The following SOS1 variants were observed in gnomAD, a reference collection of about 807,000 sequenced individuals.
SOS1 encodes SOS Ras/Rac guanine nucleotide exchange factor 1.
A neutral mutation model predicts 157.6 loss-of-function variants in SOS1; 25 were observed. That is an observed-to-expected ratio of 0.16 (90% CI 0.12 to 0.22). The LOEUF (loss-of-function observed/expected upper bound fraction) is 0.22. SOS1 is among the 10% of genes least tolerant of loss of function. SOS1 has a pLI of 1.00. For missense variants in SOS1, 1,237 were observed against 1,599.1 expected (o/e 0.77, Z 3.86); for synonymous variants, 528 against 534.0 (o/e 0.99, Z 0.16).
chr2:39,124,003 T>TCACTAGCA (rs1673987370), upstream of SOS1, among the ~76,000 whole-genome samples: 1 of 152,186 alleles, frequency 6.6e-6, no homozygotes. Flanking sequence ...GGGCAGGTTT[T>TCACTAGCA]CACTAGCATG....
intron 2 of SOS1, among the ~76,000 whole-genome samples, chr2:39,059,172 T>A (rs1181702409): frequency 1.3e-5 from 2 of 152,184 alleles, no homozygotes; most frequent in Admixed American, 6.5e-5. Flanking sequence ...TCTCACTCAC[T>A]TGTCCTTACT....
intron 6 of SOS1, among the ~76,000 whole-genome samples, chr2:39,041,762 T>G (rs966787548): frequency 2.6e-5 from 4 of 152,208 alleles, no homozygotes; most frequent in African/African-American, 9.6e-5. Flanking sequence ...AACAGAAGTT[T>G]TAAAACTTAA....
intron 6 of SOS1, among the ~76,000 whole-genome samples, chr2:39,036,590 T>C (rs561931641): frequency 5.9e-5 from 9 of 152,246 alleles, no homozygotes; most frequent in Admixed American, 2.0e-4. Context: ...TTTTTTCTTT[T>C]TGGGACGGAG....
chr2:39,064,923 T>C (rs1251124485), intron 2 of SOS1, among the ~76,000 whole-genome samples: 2 of 150,288 alleles, frequency 1.3e-5, no homozygotes, highest in African/African-American at 2.4e-5. Flanking sequence ...AATTTTTTTG[T>C]ATTTTTTTTT....
intron 6 of SOS1, among the ~76,000 whole-genome samples, chr2:39,046,579 A>G (rs1670793764): frequency 6.9e-6 from 1 of 144,272 alleles, no homozygotes; most frequent in Admixed American, 7.1e-5. Context: ...ATCTCGGCTC[A>G]CTGCAAGCTC....
At chr2:39,064,983 C>T (rs186081299) in intron 2 of SOS1, among the ~76,000 whole-genome samples, 26 of 151,560 alleles carry the variant, frequency 1.7e-4, no homozygotes, top group African/African-American at 6.3e-4. Flanking sequence ...TTCTCAAACT[C>T]CCAACCTTAG....
At chr2:39,027,754 T>TA (rs1187963703) in intron 8 of SOS1, among the ~76,000 whole-genome samples, 1 of 152,204 alleles carries the variant, frequency 6.6e-6, no homozygotes, top group Non-Finnish European at 1.5e-5. Context: ...TGAATAGTTT[T>TA]AAAAAAAGTA....
rs1256326284 is a variant in SOS1 at position 38,982,220 on chromosome 2, G to T, written c.*3604C>A. On this transcript the variant is annotated 3_prime_UTR_variant, in exon 23 of 23. Coordinates refer to ENST00000402219, the MANE Select transcript of SOS1 (RefSeq NM_005633.4). ...CAGTCGACAGAAAATGCACTTTACG[G>T]TGTCAAAAATGGAAAATAAGGCATG... 2.0e-5 allele frequency: 3 copies of T among 152,142 alleles called. No individual in the cohort carries two copies. The highest frequency in any genetic ancestry group is 7.2e-5 in the African/African-American group (3 of 41,418). 9.4% of individuals were successfully genotyped at this position (152,142 alleles called of 1,614,324 possible).
Position 39,012,198 on chromosome 2 carries a change from G to C in SOS1, c.2318C>G (p.Thr773Ser). ...TGGGTGTAAGGTGAGCAGGTCAAAA[G>C]TCTCTATGTGCCCAGGTCTGCTTAT... is the stretch of plus-strand genomic sequence containing the variant. ...WHISRPGHIE[T>S]FDLLTLHPIE... Residue 773 changes from threonine (T) to serine (S), a missense_variant, in exon 14 of 23, where the codon ACT becomes AGT. By Grantham distance (58) the Thr-to-Ser change is moderately conservative. Transcript: ENST00000402219. 6.2e-7 allele frequency: 1 copy of C among 1,613,804 alleles called. No individual in the cohort carries two copies. The highest frequency in any genetic ancestry group is 8.5e-7 in the Non-Finnish European group (1 of 1,179,784).
chr2:39,084,581 C>G (rs1672309145), intron 1 of SOS1, among the ~76,000 whole-genome samples: 1 of 152,062 alleles, frequency 6.6e-6, no homozygotes, highest in South Asian at 2.1e-4. Context: ...CATATTTGTG[C>G]ACATTTATAA....
rs529002583 is a variant in SOS1, at chr2:39,031,053, G to T, written c.1074+4159C>A. Reference sequence around the variant, plus strand: ...CCTTAGAGCCTTTAGAGAAAGTGTGGCCCTGCCCACACCCTGATTTCAGAT... The same window carrying T: ...CCTTAGAGCCTTTAGAGAAAGTGTGTCCCTGCCCACACCCTGATTTCAGAT... On this transcript the variant is annotated intron_variant, in intron 8 of 22. Coordinates refer to ENST00000402219, the MANE Select transcript of SOS1 (RefSeq NM_005633.4). 4.6e-5 allele frequency among the ~76,000 whole-genome samples: 7 copies of T among 152,046 alleles called. 2 individuals are homozygous for T. In the South Asian group the frequency reaches 1.5e-3, roughly 32 times the overall value.
At chr2:39,012,687 G>C (rs1314917412) in intron 13 of SOS1, among the ~76,000 whole-genome samples, 1 of 151,982 alleles carries the variant, frequency 6.6e-6, no homozygotes, top group East Asian at 1.9e-4. Flanking sequence ...CCAAGAAAAG[G>C]TATATCTTAT....
chr2:39,017,284 T>G (rs1669661328), intron 10 of SOS1, among the ~76,000 whole-genome samples: 1 of 152,046 alleles, frequency 6.6e-6, no homozygotes, highest in South Asian at 2.1e-4. Context: ...GAGATCTAAA[T>G]ATAAAGAATT....
At chr2:39,067,841 G>A (rs572860187) in intron 1 of SOS1, 88 bp from the exon 2 acceptor site, 166 of 1,181,546 alleles carry the variant, frequency 1.4e-4, no homozygotes, top group African/African-American at 1.1e-3. Context: ...GTTTGTGGCC[G>A]GGCACGGTGG....
At chr2:39,037,211 ATAG>A (rs1454605811) in intron 6 of SOS1, among the ~76,000 whole-genome samples, 16 of 152,246 alleles carry the variant, frequency 1.1e-4, no homozygotes, top group Non-Finnish European at 4.4e-5. Context: ...ACAGAAATTG[ATAG>A]TAAAGTTTCA....
At chr2:39,008,306 C>T (rs1036607515) in intron 15 of SOS1, among the ~76,000 whole-genome samples, 3 of 152,146 alleles carry the variant, frequency 2.0e-5, no homozygotes, top group Non-Finnish European at 2.9e-5. Context: ...CAGTAGCATC[C>T]GTCTGCCACT....
intron 1 of SOS1, among the ~76,000 whole-genome samples, chr2:39,074,240 C>A (rs959844555): frequency 2.0e-5 from 3 of 151,988 alleles, no homozygotes; most frequent in East Asian, 3.9e-4. Flanking sequence ...ATCCCAGCTA[C>A]TGGGGAGGCT....
intron 1 of SOS1, among the ~76,000 whole-genome samples, chr2:39,115,073 C>T (rs532629363): frequency 1.3e-5 from 2 of 152,270 alleles, no homozygotes; most frequent in South Asian, 2.1e-4. Context: ...TTCAGTCTTA[C>T]TAAAATCATT....
chr2:39,018,175 G>GA (rs951178361), intron 10 of SOS1, among the ~76,000 whole-genome samples: 6 of 151,660 alleles, frequency 4.0e-5, no homozygotes, highest in Non-Finnish European at 5.9e-5. Flanking sequence ...TATAATCCTA[G>GA]AAAAAAATTA....
Sources: gnomAD v4.1 joint callset for allele counts (sites outside exome capture counted in the v4.1 genomes callset) on GRCh38, gnomAD v4.1.1 for gene constraint, MANE v1.5 for transcripts, NCBI Gene and HGNC (gene_info 2026-07-23, HGNC 2026-07-21) for gene names.